Variants in CASP6 observed in about 807,000 individuals in gnomAD.
CASP6 encodes the protein caspase-6.
In CASP6, 20 loss-of-function variants were observed where a neutral mutation model predicts 31.8. The ratio of observed to expected loss-of-function variants is 0.63; its 90% CI spans 0.44 to 0.91. The LOEUF (loss-of-function observed/expected upper bound fraction) is 0.91. Ranked by LOEUF, CASP6 falls within the 40% of genes least tolerant of loss-of-function variation. The pLI is 0.00. For synonymous variants in CASP6, 130 were observed against 127.8 expected, an observed-to-expected ratio of 1.02 and a Z score of -0.12; for missense variants, 328 against 361.1, an observed-to-expected ratio of 0.91 and a Z score of 0.74.
At chr4:109,672,858 A>C in the CASP6 span, among the ~76,000 whole-genome samples, 1 of 152,088 alleles carries the variant, frequency 6.6e-6, no homozygotes, top group Non-Finnish European at 1.5e-5. Context: ...AAGTACTTTT[A>C]CTTTTTGATA....
At chr4:109,704,674 G>A (rs1730544368), upstream of CASP6, among the ~76,000 whole-genome samples, 1 of 152,336 alleles carries the variant, frequency 6.6e-6, no homozygotes, top group East Asian at 1.9e-4. Context: ...AGGTTATCCA[G>A]ATCTAGCTAA....
At chr4:109,690,817 G>A in intron 6 of CASP6, 33 bp downstream of exon 6, 1 of 1,564,052 alleles carries the variant, frequency 6.4e-7, no homozygotes, top group Non-Finnish European at 8.7e-7. Context: ...AGCCAAGAGA[G>A]GCAATTATAT....
At chr4:109,698,706 GA>G (rs1440236404) in intron 1 of CASP6, among the ~76,000 whole-genome samples, 2 of 151,376 alleles carry the variant, frequency 1.3e-5, no homozygotes, top group African/African-American at 2.5e-5. Flanking sequence ...CACATTTTCT[GA>G]AAAAGAATTA....
chr4:109,682,529 AC>A, the CASP6 span: 1 of 1,462,768 alleles, frequency 6.8e-7, no homozygotes, highest in Non-Finnish European at 9.3e-7. Flanking sequence ...AGATTTACAC[AC>A]CCTGCGGGAA....
chr4:109,705,872 C>T (rs1326186460), upstream of CASP6, among the ~76,000 whole-genome samples: 1 of 140,636 alleles, frequency 7.1e-6, no homozygotes, highest in East Asian at 2.1e-4. Flanking sequence ...CCCAGCAACT[C>T]AGGACACTAA....
At chr4:109,699,492 A>G (rs540592603) in intron 1 of CASP6, among the ~76,000 whole-genome samples, 18 of 152,308 alleles carry the variant, frequency 1.2e-4, no homozygotes, top group African/African-American at 4.3e-4. Context: ...AGACCCAACT[A>G]AGACCCCACA....
At chr4:109,675,997 A>C in the CASP6 span, among the ~76,000 whole-genome samples, 2 of 152,212 alleles carry the variant, frequency 1.3e-5, no homozygotes, top group Non-Finnish European at 2.9e-5. Context: ...AGCAGAAAAC[A>C]GATTAAGACA....
the CASP6 span, among the ~76,000 whole-genome samples, chr4:109,709,440 G>A: frequency 6.6e-6 from 1 of 152,158 alleles, no homozygotes; most frequent in African/African-American, 2.4e-5. Flanking sequence ...CTGACAGGAT[G>A]ACTTGATTCT....
At chr4:109,668,879 CATT>C in the CASP6 span, among the ~76,000 whole-genome samples, 2 of 152,012 alleles carry the variant, frequency 1.3e-5, no homozygotes, top group Non-Finnish European at 2.9e-5. Context: ...TTTCAAATAA[CATT>C]ATATTGCTTC....
chr4:109,703,561 T>A, upstream of CASP6: 1 of 845,972 alleles, frequency 1.2e-6, no homozygotes. Flanking sequence ...TGGATCGGGC[T>A]GGTCCTTCCC....
At chr4:109,664,531 C>G in the CASP6 span, 1 of 556,046 alleles carries the variant, frequency 1.8e-6, no homozygotes, top group South Asian at 2.2e-5. Context: ...CTCAAACAAT[C>G]CTCCCACCTC....
chr4:109,690,943 TC>T lies in CASP6; in HGVS notation c.549del (p.Lys184SerfsTer6). The T allele has an allele frequency of 6.2e-7, 1 of 1,613,968 alleles. No individual in the cohort carries two copies. Among genetic ancestry groups the T allele is most frequent in the Non-Finnish European group, 8.5e-7 (1 of 1,179,922 alleles). On this transcript the variant is annotated frameshift_variant, in exon 6 of 7. Coordinates refer to ENST00000265164, the MANE Select transcript of CASP6 (RefSeq NM_001226.4). LOFTEE classifies it high-confidence loss of function. ...IPLDVVDNQT[E>X]KLDTNITEVD... The stretch of plus-strand genomic sequence containing the variant: ...ACCTCAGTTATGTTGGTGTCCAACT[TC>T]TCTGTCTGATTATCTACTACATCCA...
At chr4:109,672,213 C>T in the CASP6 span, among the ~76,000 whole-genome samples, 773 of 152,258 alleles carry the variant, frequency 5.1e-3, 3 homozygotes, top group African/African-American at 0.018. Context: ...TTTCTCCAAG[C>T]CAGATAAGGC....
chr4:109,700,303 A>G (rs1269512110), intron 1 of CASP6, among the ~76,000 whole-genome samples: 2 of 152,238 alleles, frequency 1.3e-5, no homozygotes, highest in Non-Finnish European at 2.9e-5. Flanking sequence ...CACATTAGTC[A>G]AGACCTACAG....
At chr4:109,699,573 C>T (rs144422650) in intron 1 of CASP6, among the ~76,000 whole-genome samples, 10 of 152,292 alleles carry the variant, frequency 6.6e-5, no homozygotes, top group Non-Finnish European at 1.5e-4. Context: ...TCCTGGTGTG[C>T]ATGTTAAAAT....
downstream of CASP6, chr4:109,685,027 G>A (rs1326213351): frequency 9.7e-6 from 4 of 412,844 alleles, no homozygotes; most frequent in Non-Finnish European, 1.7e-5. Flanking sequence ...CCCATTATGT[G>A]TAATTTCTCT....
intron 2 of CASP6, 66 bp from the exon 3 acceptor site, chr4:109,697,834 T>C: frequency 6.5e-7 from 1 of 1,544,164 alleles, no homozygotes. Flanking sequence ...CTCCAAGTTC[T>C]AGGTCAACAT....
chr4:109,706,006 A>AT (rs1164675757), upstream of CASP6, among the ~76,000 whole-genome samples: 9 of 53,890 alleles, frequency 1.7e-4, no homozygotes, highest in African/African-American at 1.2e-3. Flanking sequence ...AAAAAAATAT[A>AT]TATATATATA....
intron 5 of CASP6, chr4:109,692,220 G>A (rs1730079473): frequency 6.6e-6 from 1 of 151,976 alleles, no homozygotes; most frequent in African/African-American, 2.4e-5. Context: ...TTTTTCTACT[G>A]TCCTTCCTAA....
Sources: allele counts gnomAD v4.1 joint callset (sites outside exome capture counted in the v4.1 genomes callset), GRCh38; gene constraint gnomAD v4.1.1; transcripts MANE v1.5; gene names NCBI Gene and HGNC (gene_info 2026-07-23, HGNC 2026-07-21).